Variants in TSPEAR observed in about 807,000 individuals in gnomAD.
TSPEAR encodes thrombospondin type laminin G domain and EAR repeats.
Under a neutral mutation model 71.6 loss-of-function variants are expected in TSPEAR, and 69 were observed. The ratio of observed to expected loss-of-function variants is 0.96; its 90% CI spans 0.79 to 1.18. The LOEUF is 1.18. Ranked by LOEUF, TSPEAR falls within the 50% of genes most tolerant of loss-of-function variation. The pLI is 0.00. For missense variants in TSPEAR, 971 were observed against 894.9 expected, an observed-to-expected ratio of 1.09 and a Z score of -1.09; for synonymous variants, 402 against 387.2, an observed-to-expected ratio of 1.04 and a Z score of -0.45.
chr21:44,654,094 CTG>C, intron 1 of TSPEAR: 1 of 610,242 alleles, frequency 1.6e-6, no homozygotes. Flanking sequence ...CCAGGAGAAA[CTG>C]TGTAGAAAGG....
chr21:44,689,739 A>ATATATTTTTTTTTTTTTT lies in TSPEAR; in HGVS notation c.82+21693_82+21694insAAAAAAAAAAAAAATATA, dbSNP rs1555949531. On this transcript the variant is annotated intron_variant, in intron 1 of 11. Coordinates refer to ENST00000323084, the MANE Select transcript of TSPEAR (RefSeq NM_144991.3). ...TATATATATATATATATATATATAT[A>ATATATTTTTTTTTTTTTT]TTTTGGGGGGGGTTACTAAGTATTA... 1.1e-3 allele frequency among the ~76,000 whole-genome samples: 146 copies of ATATATTTTTTTTTTTTTT among 128,154 alleles called. 4 individuals carry two copies. The highest frequency in any genetic ancestry group is 4.5e-3 in the African/African-American group (143 of 31,652). The allele number at this position is 128,154 out of a possible 152,430, so 84.1% of individuals were successfully genotyped here.
chr21:44,595,276 C>T (rs1326425868), intron 1 of TSPEAR, among the ~76,000 whole-genome samples: 1 of 152,154 alleles, frequency 6.6e-6, no homozygotes, highest in Non-Finnish European at 1.5e-5. Flanking sequence ...ACACACAGCC[C>T]ATTCTCATTA....
intron 1 of TSPEAR, chr21:44,637,780 G>C: frequency 7.4e-7 from 1 of 1,350,948 alleles, no homozygotes; most frequent in Middle Eastern, 1.9e-4. Context: ...CCTGCTCCGA[G>C]TCTTCCCCTT....
chr21:44,543,257 G>A (rs587621068), intron 2 of TSPEAR, among the ~76,000 whole-genome samples: 1 of 152,328 alleles, frequency 6.6e-6, no homozygotes, highest in Admixed American at 6.5e-5. Context: ...TGTATAAAAT[G>A]TAAGTTGTAA....
chr21:44,622,013 T>C (rs1366549056), intron 1 of TSPEAR, among the ~76,000 whole-genome samples: 6 of 152,162 alleles, frequency 3.9e-5, no homozygotes, highest in Admixed American at 1.3e-4. Context: ...TTCCAAAATG[T>C]TATATGCATG....
intron 1 of TSPEAR, among the ~76,000 whole-genome samples, chr21:44,680,283 TA>T (rs1328648573): frequency 2.0e-5 from 3 of 151,852 alleles, no homozygotes; most frequent in African/African-American, 4.8e-5. Flanking sequence ...ACAGGTATAT[TA>T]AAAAAAACTC....
rs2145970806 is a variant in TSPEAR at position 44,525,718 on chromosome 21, G to A, written c.1271C>T (p.Ala424Val). The change falls in exon 8 of 12, where the codon GCC becomes GTC. Residue 424 changes from alanine (A) to valine (V), a missense_variant. Transcript: ENST00000323084. ...CACCTCGAAGGCCTCCCAGTCTCGGGCGCTGTGTGTGGCAATGCTCTGATA... is the reference window on the plus strand; with the variant it reads ...CACCTCGAAGGCCTCCCAGTCTCGGACGCTGTGTGTGGCAATGCTCTGATA... The part of the protein sequence containing the change: ...TPYQSIATHS[A>V]RDWEAFEVDG... 1.9e-6 allele frequency: 3 copies of A among 1,614,186 alleles called. No homozygotes were observed. Among genetic ancestry groups the A allele is most frequent in the African/African-American group, 2.7e-5 (2 of 75,040 alleles).
chr21:44,584,839 G>A (rs587674463), intron 1 of TSPEAR, among the ~76,000 whole-genome samples: 1 of 152,224 alleles, frequency 6.6e-6, no homozygotes, highest in South Asian at 2.1e-4. Flanking sequence ...GGACATCATT[G>A]TATTAAAAGT....
intron 1 of TSPEAR, among the ~76,000 whole-genome samples, chr21:44,702,995 C>T (rs1428598248): frequency 6.6e-6 from 1 of 152,184 alleles, no homozygotes; most frequent in Admixed American, 6.5e-5. Flanking sequence ...TGAGACAGCC[C>T]TCTCCTATTA....
Position 44,567,856 on chromosome 21 carries a change from A to G in TSPEAR, c.232T>C (p.Ser78Pro). 1 of 1,609,594 alleles carries G rather than the reference A, an allele frequency of 6.2e-7. No homozygotes were observed. The highest frequency in any genetic ancestry group is 1.1e-5 in the South Asian group (1 of 90,372). ...TMSFPASRIF[S>P]QCDLFPEEFS... ...TCTTCAGGGAAGAGGTCACACTGGG[A>G]GAAAATCCTGGATGCTGGGAAGCTC... The change falls in exon 2 of 12, where the codon TCC (serine) becomes CCC (proline). Residue 78 changes from serine to proline, a missense_variant. Ser to Pro is a moderately conservative substitution (Grantham distance 74). Coordinates refer to ENST00000323084, the MANE Select transcript of TSPEAR (RefSeq NM_144991.3).
chr21:44,706,420 C>G (rs1987924163), intron 1 of TSPEAR, among the ~76,000 whole-genome samples: 1 of 151,648 alleles, frequency 6.6e-6, no homozygotes, highest in Admixed American at 6.6e-5. Context: ...TGCACACACA[C>G]GCGCGCACAC....
chr21:44,616,779 A>T (rs1461058402), intron 1 of TSPEAR, among the ~76,000 whole-genome samples: 2 of 152,158 alleles, frequency 1.3e-5, no homozygotes, highest in African/African-American at 4.8e-5. Context: ...GTGTGACCAC[A>T]CCAAGCAGCC....
chr21:44,650,434 G>GGGGCCACGTGACGATGGCGGCAGAGACTA (rs1555941203), intron 1 of TSPEAR, among the ~76,000 whole-genome samples: 2 of 152,212 alleles, frequency 1.3e-5, no homozygotes, highest in African/African-American at 4.8e-5. Flanking sequence ...GGCAGAGACT[G>GGGGCCACGTGACGATGGCGGCAGAGACTA]GGGCCACGTG....
At chr21:44,508,388 TAGG>T (rs1601325208) in intron 10 of TSPEAR, 2 of 728,720 alleles carry the variant, frequency 2.7e-6, no homozygotes, top group East Asian at 1.0e-4. Flanking sequence ...CCGAATGAAA[TAGG>T]AGTGCATGAA....
intron 2 of TSPEAR, among the ~76,000 whole-genome samples, chr21:44,545,317 C>CAA (rs57340332): frequency 7.6e-6 from 1 of 131,186 alleles, no homozygotes; most frequent in African/African-American, 2.8e-5. Flanking sequence ...GACTCTGTCT[C>CAA]AAAAAAAAAA....
intron 1 of TSPEAR, among the ~76,000 whole-genome samples, chr21:44,680,613 C>A (rs1488782903): frequency 6.6e-6 from 1 of 152,132 alleles, no homozygotes; most frequent in African/African-American, 2.4e-5. Context: ...GCACTATTCA[C>A]AATAGCCAAG....
chr21:44,590,510 G>T (rs587689387), intron 1 of TSPEAR, among the ~76,000 whole-genome samples: 1 of 152,288 alleles, frequency 6.6e-6, no homozygotes, highest in South Asian at 2.1e-4. Flanking sequence ...CTGTGTTCTC[G>T]CCAGCGATGC....
chr21:44,689,739 A>ATATATATATATATATAT (rs1555949531), intron 1 of TSPEAR, among the ~76,000 whole-genome samples: 1 of 128,172 alleles, frequency 7.8e-6, no homozygotes, highest in African/African-American at 3.2e-5. Context: ...ATATATATAT[A>ATATATATATATATATAT]TTTTGGGGGG....
intron 1 of TSPEAR, among the ~76,000 whole-genome samples, chr21:44,596,787 ATTTC>A (rs1319667067): frequency 6.6e-6 from 1 of 152,072 alleles, no homozygotes; most frequent in Non-Finnish European, 1.5e-5. Context: ...AACCATGTAT[ATTTC>A]TTTCAATTGT....
Sources: allele counts gnomAD v4.1 joint callset (sites outside exome capture counted in the v4.1 genomes callset), GRCh38; gene constraint gnomAD v4.1.1; transcripts MANE v1.5; gene names NCBI Gene and HGNC (gene_info 2026-07-23, HGNC 2026-07-21).